The following GIT2 variants were observed in gnomAD, a reference collection of about 807,000 sequenced individuals.
The protein encoded by GIT2 is ARF GTPase-activating protein GIT2.
A neutral mutation model predicts 100.3 loss-of-function variants in GIT2; 32 were observed. That is an observed-to-expected ratio of 0.32 (90% CI 0.24 to 0.43). The LOEUF is 0.43. Ranked by LOEUF, GIT2 falls within the 20% of genes least tolerant of loss-of-function variation. The pLI is 1.00. For synonymous variants in GIT2, 353 were observed against 364.1 expected, an observed-to-expected ratio of 0.97 and a Z score of 0.35; for missense variants, 737 against 975.1, an observed-to-expected ratio of 0.76 and a Z score of 3.25.
chr12:109,993,236 A>G (rs1888746962), intron 1 of GIT2, among the ~76,000 whole-genome samples: 2 of 152,202 alleles, frequency 1.3e-5, no homozygotes, highest in Non-Finnish European at 2.9e-5. Flanking sequence ...AAATAAAGAA[A>G]GAGCTATACT....
chr12:109,979,447 G>A (rs1443379016), intron 7 of GIT2, among the ~76,000 whole-genome samples: 1 of 151,328 alleles, frequency 6.6e-6, no homozygotes, highest in Non-Finnish European at 1.5e-5. Context: ...TAATTTTTTT[G>A]TATTTTTAGT....
chr12:109,939,687 AAATAAAT>A (rs895916304), intron 16 of GIT2: 1 of 72,496 alleles, frequency 1.4e-5, no homozygotes, highest in East Asian at 3.2e-4. Context: ...TAAATAAAAT[AAATAAAT>A]AAATAAATAA....
chr12:109,948,993 C>T lies in GIT2; in HGVS notation c.1393-1489G>A. Reference sequence around the variant, plus strand: ...ACTTTATATTAATCATGCCAAACTGCTGTGAAAGTGTGACTTACTGCCTCT... The same window carrying T: ...ACTTTATATTAATCATGCCAAACTGTTGTGAAAGTGTGACTTACTGCCTCT... On this transcript the variant is annotated intron_variant, in intron 14 of 19. Coordinates refer to ENST00000355312, the MANE Select transcript of GIT2 (RefSeq NM_057169.5). This position sits in a 1 kb window ranked among gnomAD's most constrained non-coding sequence, Gnocchi z 4.3. 1.7e-6 allele frequency: 1 copy of T among 603,286 alleles called. No individual in the cohort carries two copies. The highest frequency in any genetic ancestry group is 2.9e-6 in the Non-Finnish European group (1 of 349,826). 37.4% of individuals were successfully genotyped at this position (603,286 alleles called of 1,614,324 possible). A position where few individuals can be genotyped will look rare whatever the true frequency, so the allele number is the denominator to read the frequency against.
upstream of GIT2, chr12:109,999,563 C>A: frequency 1.5e-6 from 1 of 668,638 alleles, no homozygotes; most frequent in Non-Finnish European, 2.1e-6. This position sits in a 1 kb window ranked among gnomAD's most constrained non-coding sequence, Gnocchi z 4.3. Context: ...GCTCAGCCGG[C>A]CGGCAGCGTA....
chr12:109,942,622 C>T (rs1316567228), intron 16 of GIT2, among the ~76,000 whole-genome samples: 6 of 152,194 alleles, frequency 3.9e-5, no homozygotes, highest in African/African-American at 1.4e-4. Context: ...GCGTGAGCCA[C>T]CATGTCTGGC....
chr12:109,984,397 G>A (rs1394457691), intron 4 of GIT2, among the ~76,000 whole-genome samples: 2 of 151,866 alleles, frequency 1.3e-5, no homozygotes, highest in Admixed American at 1.3e-4. Context: ...TGGTGACAGA[G>A]CGAGACCCTG....
At chr12:109,964,245 A>G (rs935797783) in intron 9 of GIT2, among the ~76,000 whole-genome samples, 1 of 152,230 alleles carries the variant, frequency 6.6e-6, no homozygotes, top group African/African-American at 2.4e-5. Flanking sequence ...TTAAGGCAAT[A>G]AAACACACAG....
intron 10 of GIT2, 46 bp from the exon 11 acceptor site, chr12:109,961,421 GC>G: frequency 8.1e-7 from 1 of 1,228,976 alleles, no homozygotes; most frequent in Non-Finnish European, 1.2e-6. Context: ...ACGCCTGTGT[GC>G]CACTGCTCCT....
intron 13 of GIT2, among the ~76,000 whole-genome samples, chr12:109,951,859 G>A (rs1168960699): frequency 6.6e-6 from 1 of 152,352 alleles, no homozygotes; most frequent in East Asian, 1.9e-4. Flanking sequence ...GGGTAAGCCT[G>A]TGAGTGGGTG....
At chr12:109,995,185 A>C (rs1408671357) in intron 1 of GIT2, among the ~76,000 whole-genome samples, 3 of 152,216 alleles carry the variant, frequency 2.0e-5, no homozygotes, top group African/African-American at 7.2e-5. Flanking sequence ...GTAATAATCT[A>C]TCCAGAGACC....
chr12:109,982,375 T>C (rs1886469114), intron 6 of GIT2: 2 of 152,232 alleles, frequency 1.3e-5, no homozygotes, highest in Admixed American at 1.3e-4. Context: ...TCCCATATGG[T>C]CTTGCCTCCT....
chr12:109,983,922 G>C (rs1331491642), intron 4 of GIT2: 1 of 481,502 alleles, frequency 2.1e-6, no homozygotes, highest in East Asian at 3.6e-5. Flanking sequence ...TGTGAAGGCT[G>C]ACTTGCCCAA....
intron 12 of GIT2, among the ~76,000 whole-genome samples, chr12:109,957,733 C>T (rs1019892220): frequency 6.6e-6 from 1 of 152,046 alleles, no homozygotes; most frequent in African/African-American, 2.4e-5. Flanking sequence ...GTCTCGATCT[C>T]CTGAACTCGT....
chr12:109,955,031 A>C (rs1222091355), intron 12 of GIT2, among the ~76,000 whole-genome samples: 1 of 152,192 alleles, frequency 6.6e-6, no homozygotes, highest in Non-Finnish European at 1.5e-5. Context: ...TAAGATAATC[A>C]CTTATAGCCA....
At chr12:109,976,109 CACACACACACACAA>C (rs1158381302) in intron 7 of GIT2, among the ~76,000 whole-genome samples, 5 of 149,906 alleles carry the variant, frequency 3.3e-5, no homozygotes, top group African/African-American at 1.0e-4. Context: ...TTACTATACA[CACACACACACACAA>C]ACACACACAC....
At chr12:109,945,478 G>T in intron 15 of GIT2, 129 bp from the exon 16 acceptor site, 1 of 651,772 alleles carries the variant, frequency 1.5e-6, no homozygotes, top group Non-Finnish European at 2.8e-6. Context: ...AATCTCAGTG[G>T]CCACCAGTGA....
rs1356067846 is a variant in GIT2, at chr12:109,947,406, G to C, written c.1491C>G (p.Asn497Lys). ...ACGGACGTCTCTTTAAGGAAGAGTG[G>C]TTGGAAGTGTCTGTGTACTCAGAAC... The part of the protein sequence containing the change: ...QTGSEYTDTS[N>K]HSSLKRRPSA... Residue 497 changes from asparagine (N) to lysine (K), a missense_variant, in exon 15 of 20, where the codon AAC (asparagine) becomes AAG (lysine). By Grantham distance (94) the Asn-to-Lys change is moderately conservative. Around this residue, in one of 3 missense-constraint regions of GIT2, gnomAD observed 451 missense variants for 543.7 expected, o/e 0.83. Coordinates refer to ENST00000355312, the MANE Select transcript of GIT2 (RefSeq NM_057169.5). This position sits in a 1 kb window ranked among gnomAD's most constrained non-coding sequence, Gnocchi z 4.3. The C allele has an allele frequency of 1.2e-6, 2 of 1,614,074 alleles. No individual in the cohort carries two copies. Among genetic ancestry groups the C allele is most frequent in the Admixed American group, 3.3e-5 (2 of 60,024 alleles).
At chr12:109,980,833 T>G in intron 7 of GIT2, 119 bp downstream of exon 7, 1 of 703,798 alleles carries the variant, frequency 1.4e-6, no homozygotes, top group Non-Finnish European at 2.6e-6. Context: ...AAAAGCCATA[T>G]GTATAGCTTT....
upstream of GIT2, chr12:109,998,091 G>A (rs529564662): frequency 1.3e-5 from 2 of 152,342 alleles, no homozygotes; most frequent in East Asian, 3.9e-4. Flanking sequence ...AACACGGCAT[G>A]ATGAAGAAGA....
Sources: gnomAD v4.1 joint callset for allele counts (sites outside exome capture counted in the v4.1 genomes callset) on GRCh38, gnomAD v4.1.1 for gene constraint, gnomAD v4.1.1 regional missense constraint, Gnocchi (gnomAD v3.1) non-coding constraint, MANE v1.5 for transcripts, NCBI Gene and HGNC (gene_info 2026-07-23, HGNC 2026-07-21) for gene names.